Variants in GTF2IRD1 observed in about 807,000 individuals in gnomAD.
The protein encoded by GTF2IRD1 is general transcription factor II-I repeat domain-containing protein 1.
A neutral mutation model predicts 113.2 loss-of-function variants in GTF2IRD1; 26 were observed. The ratio of observed to expected loss-of-function variants is 0.23; its 90% CI spans 0.17 to 0.32. The LOEUF (loss-of-function observed/expected upper bound fraction) is 0.32, where lower values mean the gene tolerates loss of function less well. GTF2IRD1 is among the 10% of genes least tolerant of loss of function. The probability of loss-of-function intolerance (pLI) is 1.00; values close to 1 mark genes in which losing one functional copy is unlikely to be tolerated. For synonymous variants in GTF2IRD1, 484 were observed against 529.1 expected (o/e 0.91, Z 1.17); for missense variants, 864 against 1,280.8 (o/e 0.67, Z 4.97).
intron 1 of GTF2IRD1, among the ~76,000 whole-genome samples, chr7:74,480,689 GC>G (rs1794688445): frequency 6.6e-6 from 1 of 152,194 alleles, no homozygotes; most frequent in South Asian, 2.1e-4. Flanking sequence ...GCGGATCCTG[GC>G]CTCCCCTCCT....
chr7:74,490,551 C>CA (rs1193438102), intron 1 of GTF2IRD1, among the ~76,000 whole-genome samples: 5 of 151,486 alleles, frequency 3.3e-5, no homozygotes, highest in Non-Finnish European at 7.4e-5. Flanking sequence ...TACCCCCCCC[C>CA]CCGCCCGCCT....
At chr7:74,515,358 G>A in intron 3 of GTF2IRD1, 83 bp from the exon 4 acceptor site, 1 of 1,540,700 alleles carries the variant, frequency 6.5e-7, no homozygotes, top group Non-Finnish European at 8.7e-7. Flanking sequence ...CCGCAGCTCA[G>A]CACAGGGCAG....
intron 3 of GTF2IRD1, 43 bp downstream of exon 3, chr7:74,513,014 C>G: frequency 1.9e-6 from 3 of 1,595,528 alleles, no homozygotes; most frequent in Non-Finnish European, 2.6e-6. Context: ...CGCCATTTCC[C>G]GAGGGCAGGC....
chr7:74,494,230 G>T (rs971888092), intron 1 of GTF2IRD1, among the ~76,000 whole-genome samples: 50 of 152,298 alleles, frequency 3.3e-4, no homozygotes, highest in African/African-American at 1.2e-3. Flanking sequence ...ATCGCACCAC[G>T]GCACTCCAGC....
rs781858621 is a variant in GTF2IRD1 at position 74,538,779 on chromosome 7, AC to A, written c.1528+21del. On this transcript the variant is annotated intron_variant, in intron 13 of 26. Coordinates refer to ENST00000424337, the MANE Select transcript of GTF2IRD1 (RefSeq NM_005685.4). ...GTCCCAGGTAAGGGACGGGCATCTGACCACCCCCTGCAGAAATCAGGGCCGG... is the reference window on the plus strand; with the variant it reads ...GTCCCAGGTAAGGGACGGGCATCTGACACCCCCTGCAGAAATCAGGGCCGG... 9.4e-5 allele frequency: 126 copies of A among 1,340,572 alleles called. No individual in the cohort carries two copies. The African/African-American group carries it at 1.4e-3, about 15-fold the overall frequency. The allele number at this position is 1,340,572 out of a possible 1,614,324, so 83.0% of individuals were successfully genotyped here.
intron 17 of GTF2IRD1, among the ~76,000 whole-genome samples, chr7:74,552,265 C>G (rs1799355110): frequency 6.6e-6 from 1 of 152,090 alleles, no homozygotes; most frequent in Non-Finnish European, 1.5e-5. Context: ...CGCCTGTAAT[C>G]CCAGCACTTT....
At chr7:74,476,472 C>T (rs1157105039) in intron 1 of GTF2IRD1, among the ~76,000 whole-genome samples, 1 of 150,180 alleles carries the variant, frequency 6.7e-6, no homozygotes, top group Non-Finnish European at 1.5e-5. Flanking sequence ...TCAAGCGATT[C>T]TCCTGCCTCA....
intron 8 of GTF2IRD1, among the ~76,000 whole-genome samples, chr7:74,528,950 GAT>G (rs1797794815): frequency 3.6e-4 from 31 of 86,734 alleles, no homozygotes; most frequent in African/African-American, 1.3e-3. Context: ...TGGGTGGATG[GAT>G]GGATGGATGG....
At chr7:74,596,735 C>A (rs1451011620) in intron 25 of GTF2IRD1, among the ~76,000 whole-genome samples, 8 of 152,096 alleles carry the variant, frequency 5.3e-5, no homozygotes, top group African/African-American at 1.9e-4. Flanking sequence ...GGGAGGACTG[C>A]TTGAGTCCAG....
At chr7:74,572,574 A>G (rs1262229967) in intron 22 of GTF2IRD1, 16 of 983,422 alleles carry the variant, frequency 1.6e-5, no homozygotes, top group Non-Finnish European at 1.9e-5. Context: ...GACATCCTCC[A>G]TGATCCTCCC....
chr7:74,541,598 C>G (rs1562852435), intron 14 of GTF2IRD1, among the ~76,000 whole-genome samples: 1 of 151,388 alleles, frequency 6.6e-6, no homozygotes, highest in South Asian at 2.1e-4. Context: ...TGAGTAAGAC[C>G]CTATCTTAAA....
chr7:74,581,668 G>A (rs587739567), intron 22 of GTF2IRD1, among the ~76,000 whole-genome samples: 1 of 152,354 alleles, frequency 6.6e-6, no homozygotes. Context: ...CAGGAGCCTG[G>A]CTCTGTTGGG....
At position 74,529,846 on chromosome 7, in the gene GTF2IRD1, C is replaced by T. The variant is rs782334082; in HGVS notation, c.1203C>T (p.Pro401=). The stretch of plus-strand genomic sequence containing the variant: ...CGGACAAGATCCCCTTCAAGCGCCC[C>T]TGCACTTATGGAGTCCCCAAGCTGA... ...GIPDKIPFKR[P]CTYGVPKLKR... Residue 401 remains proline, a synonymous_variant, in exon 9 of 27, where the codon CCC becomes CCT. Coordinates refer to ENST00000424337, the MANE Select transcript of GTF2IRD1 (RefSeq NM_005685.4). The T allele has an allele frequency of 2.5e-6, 4 of 1,614,112 alleles. No individual in the cohort carries two copies. Among genetic ancestry groups the T allele is most frequent in the Non-Finnish European group, 3.4e-6 (4 of 1,179,988 alleles).
chr7:74,467,430 G>A (rs1554331190), intron 1 of GTF2IRD1, among the ~76,000 whole-genome samples: 1 of 152,196 alleles, frequency 6.6e-6, no homozygotes, highest in Non-Finnish European at 1.5e-5. Context: ...AGGAAAGGCA[G>A]CTGATGTGTG....
At position 74,540,038 on chromosome 7, in the gene GTF2IRD1, C is replaced by T. The variant is rs1452660363; in HGVS notation, c.1618+70C>T. The T allele has an allele frequency of 1.5e-5, 16 of 1,080,698 alleles. No individual in the cohort carries two copies. The East Asian group carries it at 3.8e-4, about 26-fold the overall frequency. 66.9% of individuals were successfully genotyped at this position (1,080,698 alleles called of 1,614,324 possible). On this transcript the variant is annotated intron_variant, in intron 14 of 26. Transcript: ENST00000424337. ...CAGGGAGCAAAGGGAAAGGGGTGGG[C>T]CAGGCCGTCCCCAGGTGTTTCTTGG... is the stretch of plus-strand genomic sequence containing the variant.
At chr7:74,467,346 G>A (rs1472450633) in intron 1 of GTF2IRD1, among the ~76,000 whole-genome samples, 1 of 152,202 alleles carries the variant, frequency 6.6e-6, no homozygotes, top group Non-Finnish European at 1.5e-5. Flanking sequence ...GGCATCTGGA[G>A]GGCAGTGGCG....
chr7:74,470,665 A>T (rs1194954204), intron 1 of GTF2IRD1, among the ~76,000 whole-genome samples: 16 of 152,248 alleles, frequency 1.1e-4, no homozygotes, highest in Admixed American at 3.3e-4. Context: ...AAACTGGAAC[A>T]TCCATACTGT....
intron 17 of GTF2IRD1, among the ~76,000 whole-genome samples, chr7:74,554,003 C>T (rs587612204): frequency 7.2e-5 from 11 of 152,294 alleles, no homozygotes; most frequent in African/African-American, 1.4e-4. Context: ...AGATGCCCAC[C>T]GCCAGAGCGG....
At chr7:74,527,845 A>G (rs1006696460) in intron 8 of GTF2IRD1, among the ~76,000 whole-genome samples, 6 of 152,228 alleles carry the variant, frequency 3.9e-5, no homozygotes, top group Non-Finnish European at 1.5e-5. Context: ...CATCAGGGAA[A>G]AAAAAAAAGT....
Sources: gnomAD v4.1 joint callset for allele counts (sites outside exome capture counted in the v4.1 genomes callset) on GRCh38, gnomAD v4.1.1 for gene constraint, MANE v1.5 for transcripts, NCBI Gene and HGNC (gene_info 2026-07-23, HGNC 2026-07-21) for gene names.